STK36: variants seen among roughly 807,000 people sequenced by gnomAD.
STK36 encodes the protein serine/threonine-protein kinase 36.
STK36 carries 116 observed loss-of-function variants against 142.2 expected under a neutral mutation model. The observed-to-expected ratio is 0.82, with a 90% CI of 0.70 to 0.95. The LOEUF is 0.95. Among genes scored for constraint, STK36 ranks in the 40% least tolerant of loss-of-function variants. STK36 has a pLI of 0.00. For missense variants in STK36, 1,422 were observed against 1,617.2 expected, an observed-to-expected ratio of 0.88 and a Z score of 2.07; for synonymous variants, 619 against 641.7, an observed-to-expected ratio of 0.96 and a Z score of 0.53.
At position 218,679,862 on chromosome 2, in the gene STK36, C is replaced by T. The variant is rs746736306; in HGVS notation, c.949-31C>T. 2.5e-6 allele frequency: 4 copies of T among 1,607,150 alleles called. 1 individual carries two copies. Among genetic ancestry groups the T allele is most frequent in the East Asian group, 4.5e-5 (2 of 44,764 alleles). ...ATTGTCCTATAGCAATCAAATAGCT[C>T]TGATTCAGTGTTGCCCCCTACCTCC... is the stretch of plus-strand genomic sequence containing the variant. On this transcript the variant is annotated intron_variant, in intron 8 of 26. Coordinates refer to ENST00000295709, the MANE Select transcript of STK36 (RefSeq NM_015690.5).
rs1940044219 is a variant in STK36, at chr2:218,672,752, G to A, written c.-78G>A. The A allele has an allele frequency of 2.1e-6, 3 of 1,455,436 alleles. No homozygotes were observed. Among genetic ancestry groups the A allele is most frequent in the Non-Finnish European group, 2.9e-6 (3 of 1,040,874 alleles). 90.2% of individuals were successfully genotyped at this position (1,455,436 alleles called of 1,614,324 possible). On this transcript the variant is annotated 5_prime_UTR_variant, in exon 2 of 27. The change abolishes an upstream ATG in the 5' untranslated region. Coordinates refer to ENST00000295709, the MANE Select transcript of STK36 (RefSeq NM_015690.5). The stretch of plus-strand genomic sequence containing the variant: ...CGTGCCCCAACTAGGCGTCCCAGAT[G>A]TTGTGGAACTGTCCCTGGATCTATA...
intron 6 of STK36, among the ~76,000 whole-genome samples, chr2:218,678,094 A>C (rs1294214057): frequency 6.6e-6 from 1 of 151,898 alleles, no homozygotes; most frequent in Non-Finnish European, 1.5e-5. Context: ...CCTGGCCTCT[A>C]TTTCTTTTTT....
intron 11 of STK36, among the ~76,000 whole-genome samples, chr2:218,686,670 T>C (rs1369214809): frequency 2.6e-5 from 4 of 152,242 alleles, no homozygotes; most frequent in African/African-American, 9.6e-5. Flanking sequence ...TGATTAGATA[T>C]TGATGTATTG....
At chr2:218,680,167 T>A in intron 9 of STK36, 87 bp downstream of exon 9, 1 of 1,305,236 alleles carries the variant, frequency 7.7e-7, no homozygotes, top group Non-Finnish European at 1.1e-6. Flanking sequence ...ATGGTCCCTG[T>A]CACTAGCCAC....
At position 218,701,930 on chromosome 2, in the gene STK36, C is replaced by T. The variant is rs1941457737; in HGVS notation, c.3869C>T (p.Pro1290Leu). 1 of 1,614,154 alleles carries T rather than the reference C, an allele frequency of 6.2e-7. No individual in the cohort carries two copies. The highest frequency in any genetic ancestry group is 8.5e-7 in the Non-Finnish European group (1 of 1,180,018). The change falls in exon 27 of 27, where the codon CCA becomes CTA. Residue 1290 changes from proline (P) to leucine (L), a missense_variant. This residue lies in a region of STK36 where 962 missense variants were observed against 1,167.5 expected (regional missense o/e 0.82). Coordinates refer to ENST00000295709, the MANE Select transcript of STK36 (RefSeq NM_015690.5). ...SLLSLGNQSLPHSSPRPASAK... is the reference protein window; with the variant it reads ...SLLSLGNQSLLHSSPRPASAK... ...CTCTCTCTGGGGAATCAGTCACTGC[C>T]ACACAGCAGTCCTAGGCCTGCCTCT... is the stretch of plus-strand genomic sequence containing the variant.
Position 218,693,803 on chromosome 2 carries a change from T to C in STK36, c.2229T>C (p.Phe743=). Residue 743 remains phenylalanine, a synonymous_variant, in exon 18 of 27, where the codon TTT becomes TTC. Coordinates refer to ENST00000295709, the MANE Select transcript of STK36 (RefSeq NM_015690.5). The stretch of plus-strand genomic sequence containing the variant: ...AGCCCCTGGCCTTGGAATCCCTGTT[T>C]ATGTTGATTCAGGGCAAGGTAAGCC... ...GQEPLALESL[F]MLIQGKVKVV... 2 of 1,614,168 alleles carry C rather than the reference T, an allele frequency of 1.2e-6. No individual in the cohort carries two copies. The highest frequency in any genetic ancestry group is 1.7e-6 in the Non-Finnish European group (2 of 1,180,050).
At position 218,679,224 on chromosome 2, in the gene STK36, C is replaced by G; in HGVS notation, c.741C>G (p.Asp247Glu). 6.2e-7 allele frequency: 1 copy of G among 1,614,202 alleles called. No homozygotes were observed. Among genetic ancestry groups the G allele is most frequent in the Non-Finnish European group, 8.5e-7 (1 of 1,180,038 alleles). The change falls in exon 7 of 27, where the codon GAC (aspartate) becomes GAG (glutamate). Residue 247 changes from aspartate (D) to glutamate (E), a missense_variant. Asp to Glu is a conservative substitution (Grantham distance 45, BLOSUM62 2). Transcript: ENST00000295709. ...KDPRQRLSWP[D>E]LLYHPFIAGH... ...CACGGCAGCGACTGTCCTGGCCAGA[C>G]CTCTTATATCACCCCTTTATTGCTG...
chr2:218,678,142 G>T (rs1005571371), intron 6 of STK36, among the ~76,000 whole-genome samples: 10 of 151,874 alleles, frequency 6.6e-5, no homozygotes, highest in African/African-American at 2.2e-4. Flanking sequence ...TTAGAGACAG[G>T]GTCTCACTGT....
At position 218,676,129 on chromosome 2, in the gene STK36, C is replaced by G. The variant is rs749039229; in HGVS notation, c.535C>G (p.His179Asp). 1.9e-6 allele frequency: 3 copies of G among 1,614,140 alleles called. No homozygotes were observed. The South Asian group carries it at 3.3e-5, about 18-fold the overall frequency. ...PELVEERPYD[H>D]TADLWSVGCI... Reference sequence around the variant, plus strand: ...GCTGGTGGAGGAGCGACCATACGACCACACAGCGGACCTCTGGTCTGTTGG... The same window carrying G: ...GCTGGTGGAGGAGCGACCATACGACGACACAGCGGACCTCTGGTCTGTTGG... The change falls in exon 6 of 27, where the codon CAC (histidine) becomes GAC (aspartate). Residue 179 changes from histidine (H) to aspartate (D), a missense_variant. Transcript: ENST00000295709.
chr2:218,696,928 G>C (rs1941254844), intron 22 of STK36, 111 bp from the exon 23 acceptor site: 1 of 1,448,118 alleles, frequency 6.9e-7, no homozygotes, highest in South Asian at 1.2e-5. Flanking sequence ...AAAGCGGAAG[G>C]AATTATTTCT....
chr2:218,697,936 G>T lies in STK36; in HGVS notation c.2992G>T (p.Ala998Ser), dbSNP rs1252629298. Residue 998 changes from alanine (A) to serine (S), a missense_variant, in exon 25 of 27, where the codon GCT (alanine) becomes TCT (serine). Physicochemically the swap from Ala to Ser is moderately conservative, Grantham distance 99 (BLOSUM62 1). This residue lies in a region of STK36 where 962 missense variants were observed against 1,167.5 expected (regional missense o/e 0.82). Transcript: ENST00000295709. ...CTTCCCCTTTGCGCTGGACATGGATGCTGACCTCCTTATAGGTGTCTTGGC... is the reference window on the plus strand; with the variant it reads ...CTTCCCCTTTGCGCTGGACATGGATTCTGACCTCCTTATAGGTGTCTTGGC... ...LCFPFALDMD[A>S]DLLIGVLADL... The T allele has an allele frequency of 6.2e-7, 1 of 1,614,208 alleles. No homozygotes were observed. The highest frequency in any genetic ancestry group is 8.5e-7 in the Non-Finnish European group (1 of 1,180,040).
rs778973897 is a variant in STK36 at position 218,693,266 on chromosome 2, A to G, written c.2070A>G (p.Leu690=). 1 of 1,614,188 alleles carries G rather than the reference A, an allele frequency of 6.2e-7. No homozygotes were observed. Among genetic ancestry groups the G allele is most frequent in the South Asian group, 1.1e-5 (1 of 91,084 alleles). Reference sequence around the variant, plus strand: ...TCTGTTGGCATTTGGCAAATCAGCTAACTGAAGACAGCAGCCAGCTCAGGC... The same window carrying G: ...TCTGTTGGCATTTGGCAAATCAGCTGACTGAAGACAGCAGCCAGCTCAGGC... ...EQVCWHLANQ[L]TEDSSQLRPS... is the part of the protein sequence containing the mutation. Residue 690 remains leucine (L), a synonymous_variant, in exon 17 of 27, where the codon CTA becomes CTG. Transcript: ENST00000295709.
chr2:218,696,525 A>G lies in STK36; in HGVS notation c.2512-2A>G. The G allele has an allele frequency of 6.2e-7, 1 of 1,614,010 alleles. No individual in the cohort carries two copies. The highest frequency in any genetic ancestry group is 8.5e-7 in the Non-Finnish European group (1 of 1,179,910). On this transcript the variant is annotated splice_acceptor_variant, in intron 21 of 26. Coordinates refer to ENST00000295709, the MANE Select transcript of STK36 (RefSeq NM_015690.5). LOFTEE classifies it high-confidence loss of function. ...TGCATTCTTCATGTTTCTCTCTGACAGGTTCGGTTGACTCCACCAGGTAGT... is the reference window on the plus strand; with the variant it reads ...TGCATTCTTCATGTTTCTCTCTGACGGGTTCGGTTGACTCCACCAGGTAGT...
At chr2:218,673,322 C>G (rs1201354010) in intron 2 of STK36, 1 of 421,950 alleles carries the variant, frequency 2.4e-6, no homozygotes, top group East Asian at 4.2e-5. Flanking sequence ...CTATTATTTC[C>G]TCTTCATTTT....
At position 218,698,709 on chromosome 2, in the gene STK36, G is replaced by T. The variant is rs780133050; in HGVS notation, c.3165G>T (p.Val1055=). ...CTCTCAACCAGTTTGTGAACACAGTGTCTGCCTCCCCTAGAACCATCGTCT... is the reference window on the plus strand; with the variant it reads ...CTCTCAACCAGTTTGTGAACACAGTTTCTGCCTCCCCTAGAACCATCGTCT... ...PTSLNQFVNT[V]SASPRTIVSF... Residue 1055 remains valine (V), a synonymous_variant, in exon 26 of 27, where the codon GTG becomes GTT. Coordinates refer to ENST00000295709, the MANE Select transcript of STK36 (RefSeq NM_015690.5). The T allele has an allele frequency of 7.4e-6, 12 of 1,614,076 alleles. No homozygotes were observed. Among genetic ancestry groups the T allele is most frequent in the Non-Finnish European group, 1.0e-5 (12 of 1,180,052 alleles).
chr2:218,689,205 A>C (rs1410588858), intron 12 of STK36, among the ~76,000 whole-genome samples: 1 of 152,206 alleles, frequency 6.6e-6, no homozygotes, highest in East Asian at 1.9e-4. Flanking sequence ...TGAGAAAACT[A>C]GCCAGATCTT....
At chr2:218,683,984 A>T in intron 10 of STK36, among the ~76,000 whole-genome samples, 1 of 143,186 alleles carries the variant, frequency 7.0e-6, no homozygotes, top group Non-Finnish European at 1.5e-5. Context: ...TTTTTTAAAG[A>T]GACAGAGCCT....
intron 21 of STK36, among the ~76,000 whole-genome samples, chr2:218,695,222 CTTTTT>C (rs531122836): frequency 4.6e-3 from 408 of 88,150 alleles, no homozygotes; most frequent in African/African-American, 0.019. Context: ...ATTGTCATCC[CTTTTT>C]TTTTTTTTTT....
intron 11 of STK36, 24 bp from the exon 12 acceptor site, chr2:218,688,673 G>T: frequency 6.2e-7 from 1 of 1,603,530 alleles, no homozygotes; most frequent in Non-Finnish European, 8.5e-7. Flanking sequence ...ATCAATCGTT[G>T]CCTCTTTCCC....
Sources: allele counts gnomAD v4.1 joint callset (sites outside exome capture counted in the v4.1 genomes callset), GRCh38; gene constraint gnomAD v4.1.1; regional missense constraint gnomAD v4.1.1; transcripts MANE v1.5; gene names NCBI Gene and HGNC (gene_info 2026-07-23, HGNC 2026-07-21).